The following ABHD5 variants were observed in gnomAD, a reference collection of about 807,000 sequenced individuals.
ABHD5 encodes the protein abhydrolase domain containing 5, lysophosphatidic acid acyltransferase.
A neutral mutation model predicts 44.9 loss-of-function variants in ABHD5; 30 were observed. The ratio of observed to expected loss-of-function variants is 0.67; its 90% CI spans 0.50 to 0.91. ABHD5 has a LOEUF of 0.91. Among genes scored for constraint, ABHD5 ranks in the 40% least tolerant of loss-of-function variants. The probability of loss-of-function intolerance (pLI) is 0.00; values close to 1 mark genes in which losing one functional copy is unlikely to be tolerated. For synonymous variants in ABHD5, 167 were observed against 147.0 expected (o/e 1.14, Z -0.99); for missense variants, 399 against 423.4 (o/e 0.94, Z 0.50).
At position 43,717,701 on chromosome 3, in the gene ABHD5, T is replaced by A; in HGVS notation, c.804T>A (p.Ile268=). 1.9e-6 allele frequency: 3 copies of A among 1,614,192 alleles called. No individual in the cohort carries two copies. The highest frequency in any genetic ancestry group is 2.5e-6 in the Non-Finnish European group (3 of 1,180,032). Residue 268 remains isoleucine (I), a synonymous_variant, in exon 6 of 7, where the codon ATT becomes ATA. Coordinates refer to ENST00000644371, the MANE Select transcript of ABHD5 (RefSeq NM_016006.6). Reference sequence around the variant, plus strand: ...AGACAGCTTTCAAGAATATGACTATTCCTTATGGATGGGCAAAAAGGCCAA... The same window carrying A: ...AGACAGCTTTCAAGAATATGACTATACCTTATGGATGGGCAAAAAGGCCAA... The part of the protein sequence containing the change: ...SGETAFKNMT[I]PYGWAKRPML...
chr3:43,726,127 G>A (rs751980239), downstream of ABHD5, among the ~76,000 whole-genome samples: 1 of 152,148 alleles, frequency 6.6e-6, no homozygotes, highest in Admixed American at 6.5e-5. Context: ...GCCTCCCAAA[G>A]TGCTGGGATT....
rs1209328093 is a variant in ABHD5, at chr3:43,721,841, A to G, written c.*3309A>G. 1 of 152,262 alleles carries G rather than the reference A, an allele frequency of 6.6e-6. No homozygotes were observed. Among genetic ancestry groups the G allele is most frequent in the Non-Finnish European group, 1.5e-5 (1 of 68,040 alleles). The allele number at this position is 152,262 out of a possible 1,614,324, so 9.4% of individuals were successfully genotyped here. A position where few individuals can be genotyped will look rare whatever the true frequency, so the allele number is the denominator to read the frequency against. ...TGTGAACAGACAGTTAACAGAAAATAGAATGCAAATGGTCTTTAAACATAC... is the reference window on the plus strand; with the variant it reads ...TGTGAACAGACAGTTAACAGAAAATGGAATGCAAATGGTCTTTAAACATAC... On this transcript the variant is annotated 3_prime_UTR_variant, in exon 7 of 7. Coordinates refer to ENST00000644371, the MANE Select transcript of ABHD5 (RefSeq NM_016006.6).
downstream of ABHD5, among the ~76,000 whole-genome samples, chr3:43,726,811 C>A (rs1280492189): frequency 6.6e-6 from 1 of 152,198 alleles, no homozygotes; most frequent in Admixed American, 6.5e-5. Flanking sequence ...GATTCTAATT[C>A]TGCAGATGTG....
chr3:43,717,699 A>G lies in ABHD5; in HGVS notation c.802A>G (p.Ile268Val), dbSNP rs1452810784. The G allele has an allele frequency of 8.7e-6, 14 of 1,614,196 alleles. No individual in the cohort carries two copies. Among genetic ancestry groups the G allele is most frequent in the African/African-American group, 2.7e-5 (2 of 75,044 alleles). ...TGAGACAGCTTTCAAGAATATGACTATTCCTTATGGATGGGCAAAAAGGCC... is the reference window on the plus strand; with the variant it reads ...TGAGACAGCTTTCAAGAATATGACTGTTCCTTATGGATGGGCAAAAAGGCC... The part of the protein sequence containing the change: ...SGETAFKNMT[I>V]PYGWAKRPML... The change falls in exon 6 of 7, where the codon ATT (isoleucine) becomes GTT (valine). Residue 268 changes from isoleucine to valine, a missense_variant. By Grantham distance (29) the Ile-to-Val change is conservative. Transcript: ENST00000644371.
chr3:43,732,820 T>C (rs1288039048), intron 7 of ABHD5, among the ~76,000 whole-genome samples: 2 of 152,070 alleles, frequency 1.3e-5, no homozygotes, highest in African/African-American at 4.8e-5. Context: ...GTCTCAAGGC[T>C]GGAGTCAAGG....
chr3:43,698,539 G>C (rs72866860), intron 1 of ABHD5, among the ~76,000 whole-genome samples: 2,257 of 152,180 alleles, frequency 0.015, 42 homozygotes, highest in African/African-American at 0.051. Flanking sequence ...CTCTTTTGTT[G>C]GCTACAAGCA....
chr3:43,711,664 G>C, intron 3 of ABHD5, 45 bp from the exon 4 acceptor site: 1 of 1,606,304 alleles, frequency 6.2e-7, no homozygotes, highest in Non-Finnish European at 8.5e-7. Flanking sequence ...ATAGTCTTAG[G>C]GTGATTTTAC....
intron 7 of ABHD5, among the ~76,000 whole-genome samples, chr3:43,730,399 A>T (rs1460295392): frequency 6.6e-6 from 1 of 152,054 alleles, no homozygotes; most frequent in Non-Finnish European, 1.5e-5. Flanking sequence ...CTGGTGAGAG[A>T]CTTTGGACTT....
intron 1 of ABHD5, among the ~76,000 whole-genome samples, chr3:43,692,898 A>C (rs12496760): frequency 0.063 from 9,568 of 152,242 alleles, 505 homozygotes; most frequent in African/African-American, 0.13. Flanking sequence ...TTTGAGGTTT[A>C]GATAGGGAGA....
Position 43,718,537 on chromosome 3 carries a change from A to G in ABHD5, c.*5A>G, listed in dbSNP as rs143080404. ...ATCTGCGACACTGTGGACTGAACAC[A>G]CTGAAGCTCTGATGGGAAAACCTGG... On this transcript the variant is annotated 3_prime_UTR_variant, in exon 7 of 7. Coordinates refer to ENST00000644371, the MANE Select transcript of ABHD5 (RefSeq NM_016006.6). The G allele has an allele frequency of 3.6e-5, 58 of 1,613,796 alleles. No homozygotes were observed. The East Asian group carries it at 1.2e-3, about 34-fold the overall frequency.
intron 1 of ABHD5, among the ~76,000 whole-genome samples, chr3:43,692,724 G>A (rs1266542211): frequency 2.6e-5 from 4 of 152,188 alleles, no homozygotes; most frequent in African/African-American, 9.7e-5. Flanking sequence ...CTAACAGCCT[G>A]CCAGCAAGTA....
intron 3 of ABHD5, among the ~76,000 whole-genome samples, chr3:43,705,024 G>A (rs1261652793): frequency 6.6e-6 from 1 of 152,114 alleles, no homozygotes; most frequent in Non-Finnish European, 1.5e-5. Flanking sequence ...AAATAATGAT[G>A]TTTTCTGGAT....
In ABHD5 at chr3:43,710,008, A is replaced by T. The variant is rs1003049783; in HGVS notation, c.507-1701A>T. Among the ~76,000 whole-genome samples the T allele has an allele frequency of 2.6e-5, 4 of 152,298 alleles. No homozygotes were observed. The East Asian group carries it at 7.7e-4, about 29-fold the overall frequency. On this transcript the variant is annotated intron_variant, in intron 3 of 6. Coordinates refer to ENST00000644371, the MANE Select transcript of ABHD5 (RefSeq NM_016006.6). The stretch of plus-strand genomic sequence containing the variant: ...AAGTGAACTGAGATTGTGTCACTGC[A>T]CTCCAGCCTGGGCGACAGAGTGAGA...
Position 43,690,978 on chromosome 3 carries a change from T to C in ABHD5, c.-15T>C. 1.1e-5 allele frequency: 18 copies of C among 1,570,708 alleles called. No individual in the cohort carries two copies. Among genetic ancestry groups the C allele is most frequent in the Non-Finnish European group, 1.5e-5 (18 of 1,161,904 alleles). Reference sequence around the variant, plus strand: ...CGGCTTCGAGATAAGTCCCGGCGCTTGCGCGGCGGCGGCTATGGCGGCGGA... The same window carrying C: ...CGGCTTCGAGATAAGTCCCGGCGCTCGCGCGGCGGCGGCTATGGCGGCGGA... On this transcript the variant is annotated 5_prime_UTR_variant, in exon 1 of 7. Transcript: ENST00000644371.
chr3:43,726,287 A>G (rs2084877424), downstream of ABHD5, among the ~76,000 whole-genome samples: 1 of 152,230 alleles, frequency 6.6e-6, no homozygotes, highest in Non-Finnish European at 1.5e-5. Flanking sequence ...TATGCCAACC[A>G]GCTTACCATA....
intron 3 of ABHD5, among the ~76,000 whole-genome samples, chr3:43,703,494 T>C (rs2149596823): frequency 6.6e-6 from 1 of 152,312 alleles, no homozygotes; most frequent in Non-Finnish European, 1.5e-5. Flanking sequence ...ACGTTATTTT[T>C]AAATGCTATT....
intron 7 of ABHD5, among the ~76,000 whole-genome samples, chr3:43,732,415 G>T (rs1175189537): frequency 1.3e-5 from 2 of 152,024 alleles, no homozygotes; most frequent in Admixed American, 6.6e-5. Flanking sequence ...GAGTGAGGAA[G>T]CAAAATCTGT....
At chr3:43,709,574 G>T (rs867781121) in intron 3 of ABHD5, among the ~76,000 whole-genome samples, 5 of 152,156 alleles carry the variant, frequency 3.3e-5, no homozygotes, top group Non-Finnish European at 5.9e-5. Flanking sequence ...GGTAGGGTAT[G>T]TTTTAATAAA....
Position 43,711,753 on chromosome 3 carries a change from G to T in ABHD5, c.551G>T (p.Arg184Leu). 1 of 1,614,122 alleles carries T rather than the reference G, an allele frequency of 6.2e-7. No homozygotes were observed. ...GTGGAGCCTTGGGGTTTCCCTGAAC[G>T]ACCAGACCTTGCTGATCAAGACAGA... ...ILVEPWGFPE[R>L]PDLADQDRPI... The change falls in exon 4 of 7, where the codon CGA becomes CTA. Residue 184 changes from arginine (R) to leucine (L), a missense_variant. Arg to Leu is a moderately radical substitution (Grantham distance 102). Transcript: ENST00000644371.
Sources: allele counts gnomAD v4.1 joint callset (sites outside exome capture counted in the v4.1 genomes callset), GRCh38; gene constraint gnomAD v4.1.1; transcripts MANE v1.5; gene names NCBI Gene and HGNC (gene_info 2026-07-23, HGNC 2026-07-21).